ZNF385C: variants seen among roughly 807,000 people sequenced by gnomAD.
ZNF385C encodes the protein CTD-2132N18.2.
Under a neutral mutation model 35.4 loss-of-function variants are expected in ZNF385C, and 28 were observed. The observed-to-expected ratio is 0.79, with a 90% confidence interval of 0.59 to 1.08. The LOEUF (loss-of-function observed/expected upper bound fraction) is 1.08. Among genes scored for constraint, ZNF385C ranks in the 50% least tolerant of loss-of-function variants. The probability of loss-of-function intolerance (pLI) is 0.00; values close to 1 mark genes in which losing one functional copy is unlikely to be tolerated. For missense variants in ZNF385C, 605 were observed against 595.6 expected (o/e 1.02, Z -0.16); for synonymous variants, 248 against 248.2 (o/e 1.00, Z 0.01).
At chr17:42,051,020 T>G (rs1288785778) in intron 2 of ZNF385C, among the ~76,000 whole-genome samples, 1 of 151,792 alleles carries the variant, frequency 6.6e-6, no homozygotes, top group African/African-American at 2.4e-5. Context: ...GCGGGTCAAT[T>G]AGGGTTCGCA....
chr17:42,036,332 A>G (rs1049038153), intron 3 of ZNF385C, among the ~76,000 whole-genome samples: 1 of 151,794 alleles, frequency 6.6e-6, no homozygotes, highest in Non-Finnish European at 1.5e-5. Context: ...TTTTTCTTCT[A>G]TAGAATTAAG....
chr17:42,067,016 T>A (rs2053557168), intron 1 of ZNF385C, among the ~76,000 whole-genome samples: 1 of 151,230 alleles, frequency 6.6e-6, no homozygotes, highest in Non-Finnish European at 1.5e-5. Flanking sequence ...TTGCAGTGAG[T>A]CGAGATCGTG....
At chr17:42,061,685 A>T (rs2053464263) in intron 2 of ZNF385C, 1 of 152,130 alleles carries the variant, frequency 6.6e-6, no homozygotes, top group Non-Finnish European at 1.5e-5. Flanking sequence ...TTATGCCGTG[A>T]CCTCTGCCTG....
At position 42,031,523 on chromosome 17, in the gene ZNF385C, A is replaced by C. The variant is rs112306929; in HGVS notation, c.676+96T>G. The C allele has an allele frequency of 5.5e-5, 79 of 1,440,692 alleles. No homozygotes were observed. The African/African-American group carries it at 8.4e-4, about 15-fold the overall frequency. 89.2% of individuals were successfully genotyped at this position (1,440,692 alleles called of 1,614,324 possible). On this transcript the variant is annotated intron_variant, in intron 5 of 8. Transcript: ENST00000692273. ...TTTGCCTGTCTGTATGGAATACTCC[A>C]ACACAAGCAAAAAGAATAAGCAGAA... is the stretch of plus-strand genomic sequence containing the variant.
intron 1 of ZNF385C, among the ~76,000 whole-genome samples, chr17:42,087,154 A>G (rs2053818079): frequency 6.6e-6 from 1 of 152,228 alleles, no homozygotes; most frequent in African/African-American, 2.4e-5. Context: ...ACTGCTATGT[A>G]TGATCTATAA....
chr17:42,035,963 T>C (rs2052847856), intron 3 of ZNF385C, among the ~76,000 whole-genome samples: 1 of 151,880 alleles, frequency 6.6e-6, no homozygotes, highest in South Asian at 2.1e-4. Flanking sequence ...AGTAGGATCG[T>C]TTCTTTGGAA....
At position 42,028,978 on chromosome 17, in the gene ZNF385C, C is replaced by T. The variant is rs1243741025; in HGVS notation, c.772G>A (p.Ala258Thr). 2 of 1,550,488 alleles carry T rather than the reference C, an allele frequency of 1.3e-6. No homozygotes were observed. Among genetic ancestry groups the T allele is most frequent in the Non-Finnish European group, 1.7e-6 (2 of 1,147,026 alleles). Residue 258 changes from alanine (A) to threonine (T), a missense_variant, in exon 6 of 9, where the codon GCC becomes ACC. Physicochemically the swap from Ala to Thr is moderately conservative, Grantham distance 58 (BLOSUM62 0). Transcript: ENST00000692273. ...EPAHSELLDA[A>T]SSSSSSSCPP... ...CAGGAGGAAGAAGAGGATGAGGAGG[C>T]AGCATCCAAGAGCTCTGAGTGGGCT...
At chr17:42,080,789 C>T (rs2053739670) in intron 1 of ZNF385C, among the ~76,000 whole-genome samples, 1 of 152,194 alleles carries the variant, frequency 6.6e-6, no homozygotes, top group South Asian at 2.1e-4. Flanking sequence ...TCAACATGTC[C>T]TGTGCCCCCC....
chr17:42,089,927 C>T (rs1343476761), intron 1 of ZNF385C, among the ~76,000 whole-genome samples: 9 of 152,244 alleles, frequency 5.9e-5, no homozygotes, highest in African/African-American at 7.2e-5. Context: ...AGAACACCTT[C>T]TTAAAACATT....
intron 1 of ZNF385C, among the ~76,000 whole-genome samples, chr17:42,097,731 A>G (rs181156641): frequency 7.9e-5 from 12 of 151,982 alleles, no homozygotes; most frequent in Admixed American, 7.9e-4. Flanking sequence ...CCAAATCCCA[A>G]CACTGAGGGT....
At chr17:42,030,252 G>A (rs901606415) in intron 5 of ZNF385C, among the ~76,000 whole-genome samples, 2 of 152,174 alleles carry the variant, frequency 1.3e-5, no homozygotes, top group Non-Finnish European at 2.9e-5. Context: ...CACTTTGGGA[G>A]GCCGAGGTGG....
chr17:42,033,525 T>C (rs1162079943), intron 4 of ZNF385C, among the ~76,000 whole-genome samples: 3 of 152,006 alleles, frequency 2.0e-5, no homozygotes, highest in Non-Finnish European at 4.4e-5. Context: ...TTGAGGTGGG[T>C]GGATCACTTG....
chr17:42,042,738 C>G, intron 2 of ZNF385C: 1 of 939,364 alleles, frequency 1.1e-6, no homozygotes, highest in African/African-American at 1.7e-5. Flanking sequence ...AATGCCCTAG[C>G]TGCTCCCCAA....
intron 5 of ZNF385C, among the ~76,000 whole-genome samples, chr17:42,031,123 G>C (rs782327612): frequency 6.6e-6 from 1 of 151,990 alleles, no homozygotes; most frequent in Non-Finnish European, 1.5e-5. Context: ...CTGCAGCCTC[G>C]ACCTCCTGGG....
chr17:42,054,336 C>T lies in ZNF385C; in HGVS notation c.250+8471G>A, dbSNP rs532513660. On this transcript the variant is annotated intron_variant, in intron 2 of 8. Transcript: ENST00000692273. ...CTCAGGACTTGCTGCTGCAGGAGCC[C>T]GTTTTCCTGCCCAGCCTCACTCATC... 3.3e-5 allele frequency among the ~76,000 whole-genome samples: 5 copies of T among 152,262 alleles called. No individual in the cohort carries two copies. In the East Asian group the frequency reaches 5.8e-4, roughly 18 times the overall value.
intron 3 of ZNF385C, among the ~76,000 whole-genome samples, chr17:42,036,582 A>G (rs1385562073): frequency 1.3e-5 from 2 of 152,200 alleles, no homozygotes; most frequent in Non-Finnish European, 2.9e-5. Flanking sequence ...CTTCCCAAGA[A>G]AAGAAAACAG....
chr17:42,086,701 CA>C (rs1184011274), intron 1 of ZNF385C, among the ~76,000 whole-genome samples: 873 of 66,810 alleles, frequency 0.013, 5 homozygotes, highest in African/African-American at 0.032. Context: ...GATTCCATCT[CA>C]AAAAAAAAAA....
chr17:42,027,182 C>T (rs2052602535), intron 8 of ZNF385C, 49 bp from the exon 9 acceptor site: 5 of 1,555,538 alleles, frequency 3.2e-6, no homozygotes, highest in Non-Finnish European at 4.4e-6. Context: ...CAGAAAACCC[C>T]ACCCCCTCCC....
Position 42,095,418 on chromosome 17 carries a change from A to G in ZNF385C, c.-3+2992T>C, listed in dbSNP as rs1365833335. Reference sequence around the variant, plus strand: ...ATGGGCCCTCCCGGGTGGCAGGCGCAGCTCCCTCTGAGAAGGGCAGCCAGA... The same window carrying G: ...ATGGGCCCTCCCGGGTGGCAGGCGCGGCTCCCTCTGAGAAGGGCAGCCAGA... On this transcript the variant is annotated intron_variant, in intron 1 of 8. Transcript: ENST00000692273. The surrounding 1 kb of genome is among the most constrained non-coding windows in gnomAD (Gnocchi z 4.4). 2.0e-5 allele frequency among the ~76,000 whole-genome samples: 3 copies of G among 152,162 alleles called. No homozygotes were observed. The highest frequency in any genetic ancestry group is 7.2e-5 in the African/African-American group (3 of 41,434).
Sources: gnomAD v4.1 joint callset for allele counts (sites outside exome capture counted in the v4.1 genomes callset) on GRCh38, gnomAD v4.1.1 for gene constraint, Gnocchi (gnomAD v3.1) non-coding constraint, MANE v1.5 for transcripts, NCBI Gene and HGNC (gene_info 2026-07-23, HGNC 2026-07-21) for gene names.